SQSTM1: variants seen among roughly 807,000 people sequenced by gnomAD.
SQSTM1 encodes sequestosome 1.
A neutral mutation model predicts 45.1 loss-of-function variants in SQSTM1; 36 were observed. The ratio of observed to expected loss-of-function variants is 0.80; its 90% CI spans 0.61 to 1.05. The LOEUF (loss-of-function observed/expected upper bound fraction) is 1.05. Ranked by LOEUF, SQSTM1 falls within the 50% of genes least tolerant of loss-of-function variation. SQSTM1 has a pLI of 0.00. For missense variants in SQSTM1, 617 were observed against 607.1 expected, an observed-to-expected ratio of 1.02 and a Z score of -0.17; for synonymous variants, 290 against 244.3, an observed-to-expected ratio of 1.19 and a Z score of -1.74.
At chr5:179,812,231 A>C (rs1757448835) in intron 2 of SQSTM1, 1 of 152,314 alleles carries the variant, frequency 6.6e-6, no homozygotes, top group Non-Finnish European at 1.5e-5. Context: ...GTTCCAGTGC[A>C]AATGTCCGCA....
intron 7 of SQSTM1, among the ~76,000 whole-genome samples, chr5:179,834,375 G>A (rs1294251137): frequency 2.0e-5 from 3 of 152,116 alleles, no homozygotes; most frequent in Non-Finnish European, 4.4e-5. Context: ...GGGATGGCGA[G>A]CTATGGCCTA....
chr5:179,838,010 G>T lies in SQSTM1; in HGVS notation c.*1417G>T. The stretch of plus-strand genomic sequence containing the variant: ...GACACTTTCTGCTGGAAGCTGTCAG[G>T]CTGGGACAGGCTTTGATTTTGAGGG... On this transcript the variant is annotated 3_prime_UTR_variant, in exon 8 of 8. Coordinates refer to ENST00000389805, the MANE Select transcript of SQSTM1 (RefSeq NM_003900.5). 2.3e-6 allele frequency: 2 copies of T among 860,192 alleles called. No homozygotes were observed. The highest frequency in any genetic ancestry group is 1.8e-6 in the Non-Finnish European group (1 of 569,268). 53.3% of individuals were successfully genotyped at this position (860,192 alleles called of 1,614,324 possible). A position where few individuals can be genotyped will look rare whatever the true frequency, so the allele number is the denominator to read the frequency against.
At position 179,833,011 on chromosome 5, in the gene SQSTM1, T is replaced by C. The variant is rs1014051032; in HGVS notation, c.755-21T>C. ...TCCTTGGGGGAACTTCACGGCTTGCTCTTTCCTCCTCCGCCTCTAGGCATT... is the reference window on the plus strand; with the variant it reads ...TCCTTGGGGGAACTTCACGGCTTGCCCTTTCCTCCTCCGCCTCTAGGCATT... On this transcript the variant is annotated intron_variant, in intron 5 of 7. Transcript: ENST00000389805. The C allele has an allele frequency of 5.0e-6, 8 of 1,613,798 alleles. No homozygotes were observed. The African/African-American group carries it at 1.1e-4, about 22-fold the overall frequency.
rs920774595 is a variant in SQSTM1, at chr5:179,825,734, G to A, written c.754+508G>A. ...GAGGCAGGTGCTCTGGGTGACACCCGGTTCTGGTGCCTCAGGTTGCACAGT... is the reference window on the plus strand; with the variant it reads ...GAGGCAGGTGCTCTGGGTGACACCCAGTTCTGGTGCCTCAGGTTGCACAGT... On this transcript the variant is annotated intron_variant, in intron 5 of 7. Coordinates refer to ENST00000389805, the MANE Select transcript of SQSTM1 (RefSeq NM_003900.5). 5.9e-5 allele frequency among the ~76,000 whole-genome samples: 9 copies of A among 152,318 alleles called. No homozygotes were observed. In the South Asian group the frequency reaches 8.3e-4, roughly 14 times the overall value.
chr5:179,837,112 C>G lies in SQSTM1; in HGVS notation c.*519C>G. 5.6e-6 allele frequency: 6 copies of G among 1,074,088 alleles called. No individual in the cohort carries two copies. The South Asian group carries it at 8.1e-5, about 14-fold the overall frequency. 66.5% of individuals were successfully genotyped at this position (1,074,088 alleles called of 1,614,324 possible). A position where few individuals can be genotyped will look rare whatever the true frequency, so the allele number is the denominator to read the frequency against. On this transcript the variant is annotated 3_prime_UTR_variant, in exon 8 of 8. Coordinates refer to ENST00000389805, the MANE Select transcript of SQSTM1 (RefSeq NM_003900.5). ...CGAAGGGCATCCGCAATGTTGGTTT[C>G]ACTGAGAGCTGCCTCCTGGTCTCTT...
chr5:179,821,128 G>A lies in SQSTM1; in HGVS notation c.192G>A (p.Gln64=). The A allele has an allele frequency of 7.3e-7, 1 of 1,369,168 alleles. No individual in the cohort carries two copies. Among genetic ancestry groups the A allele is most frequent in the East Asian group, 3.1e-5 (1 of 32,232 alleles). 84.8% of individuals were successfully genotyped at this position (1,369,168 alleles called of 1,614,324 possible). Residue 64 remains glutamine, a synonymous_variant, in exon 1 of 8, where the codon CAG becomes CAA. Coordinates refer to ENST00000389805, the MANE Select transcript of SQSTM1 (RefSeq NM_003900.5). ...LFPALRPGGF[Q]AHYRDEDGDL... is the part of the protein sequence containing the mutation. ...CCGCGCTGCGGCCTGGCGGCTTCCA[G>A]GCGCACTACCGCGGTGAGCGGGCCG...
At chr5:179,830,217 A>ACC (rs1372318385) in intron 5 of SQSTM1, among the ~76,000 whole-genome samples, 2 of 152,184 alleles carry the variant, frequency 1.3e-5, no homozygotes, top group Non-Finnish European at 2.9e-5. Flanking sequence ...ACTGAGAAAG[A>ACC]CCCCACAGCA....
Position 179,836,772 on chromosome 5 carries a change from T to C in SQSTM1, c.*179T>C. 1 of 929,624 alleles carries C rather than the reference T, an allele frequency of 1.1e-6. No individual in the cohort carries two copies. The highest frequency in any genetic ancestry group is 2.6e-5 in the East Asian group (1 of 39,040). The allele number at this position is 929,624 out of a possible 1,614,324, so 57.6% of individuals were successfully genotyped here. On this transcript the variant is annotated 3_prime_UTR_variant, in exon 8 of 8. Coordinates refer to ENST00000389805, the MANE Select transcript of SQSTM1 (RefSeq NM_003900.5). ...GTGACATGAAGGGAGGGTCCCTGTG[T>C]GTGTGTGTGCTGATGTTTCCTGGGT... is the stretch of plus-strand genomic sequence containing the variant.
At chr5:179,820,903 G>A, upstream of SQSTM1, 1 of 1,480,482 alleles carries the variant, frequency 6.8e-7, no homozygotes, top group South Asian at 1.3e-5. Flanking sequence ...GCTGCGACCG[G>A]GACGGCCCGT....
chr5:179,807,151 A>C (rs1757208750), intron 1 of SQSTM1, among the ~76,000 whole-genome samples: 1 of 144,016 alleles, frequency 6.9e-6, no homozygotes, highest in Non-Finnish European at 1.5e-5. Context: ...GTGCAGGTCG[A>C]CCGCAGCCGG....
chr5:179,837,771 G>A lies in SQSTM1; in HGVS notation c.*1178G>A. On this transcript the variant is annotated 3_prime_UTR_variant, in exon 8 of 8. Transcript: ENST00000389805. ...GATGTGGCTGTAACCTGCTGGATGG[G>A]ACTCCATAGCTCCTTCCCAGGACCC... The A allele has an allele frequency of 6.2e-7, 1 of 1,614,210 alleles. No individual in the cohort carries two copies. The highest frequency in any genetic ancestry group is 8.5e-7 in the Non-Finnish European group (1 of 1,180,026).
At position 179,836,584 on chromosome 5, in the gene SQSTM1, G is replaced by A. The variant is rs182058393; in HGVS notation, c.1314G>A (p.Pro438=). The A allele has an allele frequency of 4.4e-5, 71 of 1,614,072 alleles. 1 individual carries two copies. The East Asian group carries it at 8.7e-4, about 20-fold the overall frequency. Residue 438 remains proline, a synonymous_variant, in exon 8 of 8, where the codon CCG becomes CCA. Coordinates refer to ENST00000389805, the MANE Select transcript of SQSTM1 (RefSeq NM_003900.5). ...LDTIQYSKHP[P]PL ...CCATCCAGTATTCAAAGCATCCCCC[G>A]CCGTTGTGACCACTTTTGCCCACCT...
chr5:179,825,744 C>T (rs1757961963), intron 5 of SQSTM1, among the ~76,000 whole-genome samples: 1 of 152,180 alleles, frequency 6.6e-6, no homozygotes, highest in African/African-American at 2.4e-5. Flanking sequence ...GGTTCTGGTG[C>T]CTCAGGTTGC....
rs781389243 is a variant in SQSTM1, at chr5:179,833,025, C to T, written c.755-7C>T. ...TCACGGCTTGCTCTTTCCTCCTCCG[C>T]CTCTAGGCATTGAAGTTGATATCGA... On this transcript the variant is annotated splice_region_variant and splice_polypyrimidine_tract_variant and intron_variant, in intron 5 of 7. Coordinates refer to ENST00000389805, the MANE Select transcript of SQSTM1 (RefSeq NM_003900.5). The T allele has an allele frequency of 5.0e-6, 8 of 1,614,044 alleles. No individual in the cohort carries two copies. In the Admixed American group the frequency reaches 8.3e-5, roughly 17 times the overall value.
At chr5:179,827,111 C>A (rs1250688926) in intron 5 of SQSTM1, among the ~76,000 whole-genome samples, 1 of 152,200 alleles carries the variant, frequency 6.6e-6, no homozygotes, top group Non-Finnish European at 1.5e-5. Flanking sequence ...ACTTTTAAAA[C>A]AGTGCAGATC....
At chr5:179,819,348 A>G (rs1298281740), upstream of SQSTM1, among the ~76,000 whole-genome samples, 1 of 82,614 alleles carries the variant, frequency 1.2e-5, no homozygotes, top group African/African-American at 4.1e-5. Flanking sequence ...GTCTCTTCAC[A>G]TGCCCCTAGC....
Position 179,825,238 on chromosome 5 carries a change from T to A in SQSTM1, c.754+12T>A. 6.2e-7 allele frequency: 1 copy of A among 1,609,894 alleles called. No individual in the cohort carries two copies. The highest frequency in any genetic ancestry group is 8.5e-7 in the Non-Finnish European group (1 of 1,176,724). On this transcript the variant is annotated intron_variant, in intron 5 of 7. Transcript: ENST00000389805. Reference sequence around the variant, plus strand: ...CCTTAGCCCTCTGGGTGAGTGCACCTCCTTGCCCAGTGCTTCCCTAACTCA... The same window carrying A: ...CCTTAGCCCTCTGGGTGAGTGCACCACCTTGCCCAGTGCTTCCCTAACTCA...
chr5:179,837,162 A>C lies in SQSTM1; in HGVS notation c.*569A>C. 6.8e-7 allele frequency: 1 copy of C among 1,473,370 alleles called. No individual in the cohort carries two copies. Among genetic ancestry groups the C allele is most frequent in the South Asian group, 1.2e-5 (1 of 83,468 alleles). 91.3% of individuals were successfully genotyped at this position (1,473,370 alleles called of 1,614,324 possible). ...TCACCACTGTAGTTCTCTCATTTCC[A>C]AACCATCAGCTGCTTTTAAAATAAG... On this transcript the variant is annotated 3_prime_UTR_variant, in exon 8 of 8. Coordinates refer to ENST00000389805, the MANE Select transcript of SQSTM1 (RefSeq NM_003900.5).
At position 179,833,105 on chromosome 5, in the gene SQSTM1, C is replaced by T; in HGVS notation, c.828C>T (p.Ser276=). 1.2e-6 allele frequency: 2 copies of T among 1,614,230 alleles called. No homozygotes were observed. Among genetic ancestry groups the T allele is most frequent in the Non-Finnish European group, 1.7e-6 (2 of 1,180,048 alleles). ...TGACCCCCGTCTCTCCAGAGAGTTC[C>T]AGCACAGAGGAGAAGAGCAGCTCAC... ...SRLTPVSPES[S]STEEKSSSQP... is the part of the protein sequence containing the mutation. Residue 276 remains serine, a synonymous_variant, in exon 6 of 8, where the codon TCC becomes TCT. Transcript: ENST00000389805.
Sources: allele counts gnomAD v4.1 joint callset (sites outside exome capture counted in the v4.1 genomes callset), GRCh38; gene constraint gnomAD v4.1.1; transcripts MANE v1.5; gene names NCBI Gene and HGNC (gene_info 2026-07-23, HGNC 2026-07-21).